GK: variants seen among roughly 807,000 people sequenced by gnomAD.
GK encodes the protein ATP:glycerol 3-phosphotransferase.
In GK, 9 loss-of-function variants were observed where a neutral mutation model predicts 56.4. The ratio of observed to expected loss-of-function variants is 0.16; its 90% CI spans 0.10 to 0.28. The LOEUF (loss-of-function observed/expected upper bound fraction) is 0.28, where lower values mean the gene tolerates loss of function less well. Among genes scored for constraint, GK ranks in the 10% least tolerant of loss-of-function variants. The pLI, the probability that GK is intolerant of heterozygous loss-of-function variation, is 1.00. For synonymous variants in GK, 104 were observed against 144.1 expected (o/e 0.72, Z 1.99); for missense variants, 161 against 431.4 (o/e 0.37, Z 5.55).
At chrX:30,720,352 C>T (rs1936837425) in intron 16 of GK, among the ~76,000 whole-genome samples, 1 of 111,432 alleles carries the variant, frequency 9.0e-6, no homozygotes, top group African/African-American at 3.3e-5. Flanking sequence ...GCAAAGGAAA[C>T]AGCACAAACA....
At chrX:30,673,621 C>T (rs73632540) in intron 3 of GK, among the ~76,000 whole-genome samples, 34,714 of 110,334 alleles carry the variant, frequency 0.31, 3,924 homozygotes, top group Admixed American at 0.37. Context: ...CTGGACTTTG[C>T]CTGCAAGCAA....
At position 30,730,908 on chromosome X, in the gene GK, T is replaced by C. The variant is rs1342919405; in HGVS notation, c.*2166T>C. Reference sequence around the variant, plus strand: ...GTAATTTCTGTAATGATGAACACTTTAATCATTCTATTAGAAGAAACTACA... The same window carrying C: ...GTAATTTCTGTAATGATGAACACTTCAATCATTCTATTAGAAGAAACTACA... On this transcript the variant is annotated 3_prime_UTR_variant, in exon 21 of 21. Coordinates refer to ENST00000427190, the MANE Select transcript of GK (RefSeq NM_001205019.2). 8.9e-6 allele frequency: 1 copy of C among 112,160 alleles called. No homozygotes were observed. Among genetic ancestry groups the C allele is most frequent in the Non-Finnish European group, 1.9e-5 (1 of 53,272 alleles). The allele number at this position is 112,160 out of a possible 1,213,427, so 9.2% of individuals were successfully genotyped here.
chrX:30,682,763 T>C lies in GK; in HGVS notation c.337+5311T>C, dbSNP rs779313824. 2.7e-5 allele frequency among the ~76,000 whole-genome samples: 3 copies of C among 112,015 alleles called. No homozygotes were observed. The South Asian group carries it at 1.1e-3, about 42-fold the overall frequency. ...CTGCTTTAACAAAAATATCATAGACTGGGTGGCTTATAGATTAGAAATTTA... is the reference window on the plus strand; with the variant it reads ...CTGCTTTAACAAAAATATCATAGACCGGGTGGCTTATAGATTAGAAATTTA... On this transcript the variant is annotated intron_variant, in intron 4 of 20. Coordinates refer to ENST00000427190, the MANE Select transcript of GK (RefSeq NM_001205019.2).
At chrX:30,672,486 A>C (rs1933596880) in intron 3 of GK, among the ~76,000 whole-genome samples, 1 of 111,689 alleles carries the variant, frequency 9.0e-6, no homozygotes, top group African/African-American at 3.2e-5. Flanking sequence ...TTTCTAACCC[A>C]CCTCAAGTAC....
chrX:30,678,615 A>C (rs1410581542), intron 4 of GK, among the ~76,000 whole-genome samples: 2 of 110,105 alleles, frequency 1.8e-5, no homozygotes, highest in African/African-American at 6.6e-5. Context: ...TTAAATTCTC[A>C]AAAAATTTGA....
At chrX:30,689,713 C>T (rs1601909066) in intron 4 of GK, 1 of 255,500 alleles carries the variant, frequency 3.9e-6, no homozygotes, top group East Asian at 1.1e-4. Context: ...GGGCCCAGAC[C>T]CATTCCTGGA....
intron 3 of GK, among the ~76,000 whole-genome samples, chrX:30,669,669 G>A (rs973924585): frequency 9.0e-6 from 1 of 111,337 alleles, no homozygotes; most frequent in Non-Finnish European, 1.9e-5. Flanking sequence ...TTCCTCCTTA[G>A]GTAGTTTGAC....
At chrX:30,666,677 T>G (rs1275075228) in intron 2 of GK, among the ~76,000 whole-genome samples, 1 of 112,258 alleles carries the variant, frequency 8.9e-6, no homozygotes, top group Middle Eastern at 4.2e-3. Context: ...TATTGTCTTC[T>G]TCACATGAAA....
At chrX:30,728,585 CTGTT>C in intron 20 of GK, 143 bp from the exon 21 acceptor site, 1 of 527,606 alleles carries the variant, frequency 1.9e-6, no homozygotes, top group Non-Finnish European at 3.4e-6. Context: ...GGAATTGGCC[CTGTT>C]TGTTGCATTT....
intron 3 of GK, among the ~76,000 whole-genome samples, chrX:30,674,775 G>A (rs368485981): frequency 3.2e-4 from 36 of 111,354 alleles, no homozygotes; most frequent in East Asian, 2.5e-3. Flanking sequence ...GTACAGACCC[G>A]TCACCCAGTT....
In GK at chrX:30,653,632, A is replaced by G. The variant is rs758055449; in HGVS notation, c.78+17A>G. The G allele has an allele frequency of 3.3e-5, 39 of 1,178,055 alleles. No homozygotes were observed. The highest frequency in any genetic ancestry group is 3.9e-5 in the Non-Finnish European group (34 of 865,951). On this transcript the variant is annotated intron_variant, in intron 1 of 20. Coordinates refer to ENST00000427190, the MANE Select transcript of GK (RefSeq NM_001205019.2). ...CGCTTTTTGGTGAGCCCGGGGTGAC[A>G]TGTGAAGAGGCGCTGAGCCGGGGCG...
intron 9 of GK, among the ~76,000 whole-genome samples, chrX:30,699,278 TATAC>T (rs1935482984): frequency 2.0e-4 from 20 of 100,522 alleles, no homozygotes; most frequent in Admixed American, 2.2e-4. Flanking sequence ...AACATGTATA[TATAC>T]AACATGTTAT....
chrX:30,685,490 T>C (rs1242345648), intron 4 of GK, among the ~76,000 whole-genome samples: 1 of 112,016 alleles, frequency 8.9e-6, no homozygotes, highest in East Asian at 2.8e-4. Context: ...TTTTGTAAAA[T>C]CTAGAATTTT....
Position 30,694,578 on chromosome X carries a change from A to G in GK, c.552+41A>G, listed in dbSNP as rs3747459. Reference sequence around the variant, plus strand: ...ATGGATATATGGAGAATTTTTTCAGAAATTTTTTCTAGACTGCCTTGCCTA... The same window carrying G: ...ATGGATATATGGAGAATTTTTTCAGGAATTTTTTCTAGACTGCCTTGCCTA... On this transcript the variant is annotated intron_variant, in intron 6 of 20. Transcript: ENST00000427190. 3.8e-4 allele frequency: 416 copies of G among 1,094,570 alleles called. 2 individuals carry two copies. In the East Asian group the frequency reaches 7.8e-3, roughly 21 times the overall value. 90.2% of individuals were successfully genotyped at this position (1,094,570 alleles called of 1,213,427 possible).
At chrX:30,691,234 T>C (rs1934910815) in intron 5 of GK, 35 bp downstream of exon 5, 1 of 811,696 alleles carries the variant, frequency 1.2e-6, no homozygotes, top group East Asian at 3.1e-5. Context: ...TATAAGAATG[T>C]TTCTTTTTTT....
intron 11 of GK, among the ~76,000 whole-genome samples, chrX:30,701,323 C>T (rs944474765): frequency 8.9e-6 from 1 of 111,915 alleles, no homozygotes; most frequent in Non-Finnish European, 1.9e-5. Context: ...GCAGGAGAAT[C>T]GCTTGAACCC....
At chrX:30,728,627 T>C (rs1387237024) in intron 20 of GK, 105 bp from the exon 21 acceptor site, 3 of 597,497 alleles carry the variant, frequency 5.0e-6, no homozygotes, top group Admixed American at 4.6e-5. Flanking sequence ...TTAGAAATCA[T>C]ATGGACTTTC....
chrX:30,667,335 T>G (rs773034669), intron 2 of GK, among the ~76,000 whole-genome samples: 37 of 110,911 alleles, frequency 3.3e-4, no homozygotes, highest in African/African-American at 1.2e-3. Context: ...ACTTTTGGAC[T>G]TCCTCAAATT....
rs1255214073 is a variant in GK at position 30,697,652 on chromosome X, A to T, written c.730-80A>T. 4.1e-6 allele frequency: 3 copies of T among 725,059 alleles called. No homozygotes were observed. In the East Asian group the frequency reaches 9.5e-5, roughly 23 times the overall value. The allele number at this position is 725,059 out of a possible 1,213,427, so 59.8% of individuals were successfully genotyped here. A position where few individuals can be genotyped will look rare whatever the true frequency, so the allele number is the denominator to read the frequency against. On this transcript the variant is annotated intron_variant, in intron 8 of 20. Transcript: ENST00000427190. ...AGTTTCACAGGATGGTTAGAAAAAA[A>T]AACGTGGAACTGGCCTAGTTTTCTC...
Sources: gnomAD v4.1 joint callset for allele counts (sites outside exome capture counted in the v4.1 genomes callset) on GRCh38, gnomAD v4.1.1 for gene constraint, MANE v1.5 for transcripts, NCBI Gene and HGNC (gene_info 2026-07-23, HGNC 2026-07-21) for gene names.